The following CADM2 variants were observed in gnomAD, a reference collection of about 807,000 sequenced individuals.
CADM2 encodes the protein immunoglobulin superfamily member 4D.
A neutral mutation model predicts 49.8 loss-of-function variants in CADM2; 12 were observed. The ratio of observed to expected loss-of-function variants is 0.24; its 90% CI spans 0.15 to 0.39. The LOEUF (loss-of-function observed/expected upper bound fraction) is 0.39, where lower values mean the gene tolerates loss of function less well. Ranked by LOEUF, CADM2 falls within the 10% of genes least tolerant of loss-of-function variation. The probability of loss-of-function intolerance (pLI) is 1.00; values close to 1 mark genes in which losing one functional copy is unlikely to be tolerated. For missense variants in CADM2, 378 were observed against 492.3 expected (o/e 0.77, Z 2.20); for synonymous variants, 214 against 175.4 (o/e 1.22, Z -1.74).
intron 1 of CADM2, among the ~76,000 whole-genome samples, chr3:85,708,891 A>C (rs576944161): frequency 4.6e-5 from 7 of 152,190 alleles, no homozygotes; most frequent in Non-Finnish European, 1.0e-4. Context: ...GGGACAGTTC[A>C]GATTATGGGT....
At chr3:85,038,206 C>T (rs1224485161) in intron 1 of CADM2, among the ~76,000 whole-genome samples, 1 of 152,100 alleles carries the variant, frequency 6.6e-6, no homozygotes, top group Non-Finnish European at 1.5e-5. Context: ...GCAAAAAGAG[C>T]AGCGTATGAT....
chr3:86,010,944 C>A (rs1005834309), intron 8 of CADM2, among the ~76,000 whole-genome samples: 1 of 151,622 alleles, frequency 6.6e-6, no homozygotes, highest in African/African-American at 2.4e-5. Flanking sequence ...AAATACACTT[C>A]TCTAAAAATA....
At chr3:85,345,353 T>A in intron 1 of CADM2, among the ~76,000 whole-genome samples, 1 of 144,192 alleles carries the variant, frequency 6.9e-6, no homozygotes, top group African/African-American at 2.5e-5. Flanking sequence ...GAAAATGCCC[T>A]GAATCAAAAA....
intron 1 of CADM2, among the ~76,000 whole-genome samples, chr3:85,348,492 C>T (rs888516087): frequency 6.6e-6 from 1 of 152,106 alleles, no homozygotes; most frequent in East Asian, 1.9e-4. Context: ...TTTATGTAAG[C>T]CTCTTGGGAA....
chr3:86,031,696 G>A (rs759652931), intron 8 of CADM2, among the ~76,000 whole-genome samples: 5 of 151,662 alleles, frequency 3.3e-5, no homozygotes, highest in African/African-American at 4.8e-5. Context: ...GGAATGAAAG[G>A]CAATTACATT....
At chr3:85,561,171 T>C (rs1429519740) in intron 1 of CADM2, among the ~76,000 whole-genome samples, 6 of 152,188 alleles carry the variant, frequency 3.9e-5, no homozygotes, top group Admixed American at 3.9e-4. Context: ...ATATTGTTCA[T>C]GTTCATTGTT....
chr3:85,676,536 G>A (rs1277416868), intron 1 of CADM2, among the ~76,000 whole-genome samples: 3 of 152,082 alleles, frequency 2.0e-5, no homozygotes, highest in African/African-American at 7.2e-5. Flanking sequence ...ACAGACTGGT[G>A]AGATTTCAAA....
intron 3 of CADM2, among the ~76,000 whole-genome samples, chr3:85,860,606 G>A (rs969193553): frequency 1.1e-4 from 16 of 152,180 alleles, no homozygotes; most frequent in Non-Finnish European, 2.2e-4. Context: ...TGCATAGATA[G>A]CACCATCTTC....
intron 1 of CADM2, among the ~76,000 whole-genome samples, chr3:85,005,171 T>C (rs2033661810): frequency 6.6e-6 from 1 of 152,164 alleles, no homozygotes; most frequent in Non-Finnish European, 1.5e-5. Flanking sequence ...TTTGGCAAAC[T>C]TTTCCTTAAG....
chr3:85,805,483 T>C (rs1329244820), intron 3 of CADM2: 1 of 152,164 alleles, frequency 6.6e-6, no homozygotes, highest in Non-Finnish European at 1.5e-5. Context: ...TGCTTCAATT[T>C]CCTTCTTCTT....
rs569318110 is a variant in CADM2 at position 85,429,457 on chromosome 3, G to A, written c.62-297065G>A. Among the ~76,000 whole-genome samples the A allele has an allele frequency of 9.5e-4, 144 of 151,974 alleles. 2 individuals carry two copies. In the South Asian group the frequency reaches 0.028, roughly 29 times the overall value. On this transcript the variant is annotated intron_variant, in intron 1 of 9. Coordinates refer to ENST00000383699, the MANE Select transcript of CADM2 (RefSeq NM_001167675.2). ...TGGTATAGGGTTTTAATTATATATC[G>A]TTAAATATAATATGTATTATTTTTA...
intron 1 of CADM2, among the ~76,000 whole-genome samples, chr3:85,554,322 G>A (rs1254428395): frequency 2.6e-5 from 4 of 152,150 alleles, no homozygotes; most frequent in Non-Finnish European, 5.9e-5. Flanking sequence ...TGGAGTTCAG[G>A]CGGTAATGCT....
chr3:85,193,923 T>C (rs2041275367), intron 1 of CADM2, among the ~76,000 whole-genome samples: 1 of 152,098 alleles, frequency 6.6e-6, no homozygotes, highest in African/African-American at 2.4e-5. Flanking sequence ...GGTCTGACCC[T>C]GTTTAATTTA....
At chr3:85,555,842 A>G (rs2061943914) in intron 1 of CADM2, among the ~76,000 whole-genome samples, 1 of 152,150 alleles carries the variant, frequency 6.6e-6, no homozygotes, top group African/African-American at 2.4e-5. Context: ...TTATATAGCT[A>G]GTTTATAGAT....
intron 1 of CADM2, among the ~76,000 whole-genome samples, chr3:85,554,708 ATTTTTG>A (rs990569463): frequency 5.3e-5 from 8 of 151,742 alleles, no homozygotes; most frequent in Non-Finnish European, 1.0e-4. Flanking sequence ...TTTTATTTTT[ATTTTTG>A]TGACAAATTC....
intron 6 of CADM2, among the ~76,000 whole-genome samples, chr3:85,925,864 A>G (rs1185113264): frequency 1.3e-5 from 2 of 152,144 alleles, no homozygotes; most frequent in South Asian, 2.1e-4. Flanking sequence ...TAGGCCGGGC[A>G]CAGTGGCTCA....
intron 1 of CADM2, among the ~76,000 whole-genome samples, chr3:85,623,206 C>T (rs532755908): frequency 5.9e-5 from 9 of 152,232 alleles, no homozygotes; most frequent in East Asian, 1.9e-4. Flanking sequence ...TAGCTACATA[C>T]GACTTTCTTC....
At chr3:85,320,548 T>C (rs2044573234) in intron 1 of CADM2, among the ~76,000 whole-genome samples, 1 of 152,164 alleles carries the variant, frequency 6.6e-6, no homozygotes, top group Non-Finnish European at 1.5e-5. Flanking sequence ...GGAGACAATC[T>C]TGACAAGGTA....
chr3:85,586,132 T>A (rs1437113614), intron 1 of CADM2, among the ~76,000 whole-genome samples: 1 of 152,070 alleles, frequency 6.6e-6, no homozygotes, highest in East Asian at 1.9e-4. Context: ...TTTTTACCTA[T>A]CATCCACTGA....
Sources: gnomAD v4.1 joint callset for allele counts (sites outside exome capture counted in the v4.1 genomes callset) on GRCh38, gnomAD v4.1.1 for gene constraint, MANE v1.5 for transcripts, NCBI Gene and HGNC (gene_info 2026-07-23, HGNC 2026-07-21) for gene names.